The following ADORA2B variants were observed in gnomAD, a reference collection of about 807,000 sequenced individuals.
The protein encoded by ADORA2B is adenosine A2b receptor.
Under a neutral mutation model 20.8 loss-of-function variants are expected in ADORA2B, and 18 were observed. The ratio of observed to expected loss-of-function variants is 0.87; its 90% confidence interval spans 0.60 to 1.29. The LOEUF is 1.29. Ranked by LOEUF, ADORA2B falls within the 50% of genes most tolerant of loss-of-function variation. The pLI, the probability that ADORA2B is intolerant of heterozygous loss-of-function variation, is 0.00. For synonymous variants in ADORA2B, 179 were observed against 178.3 expected (o/e 1.00, Z -0.03); for missense variants, 441 against 422.7 (o/e 1.04, Z -0.38).
chr17:15,959,262 A>T (rs182429924), intron 1 of ADORA2B, among the ~76,000 whole-genome samples: 14 of 152,316 alleles, frequency 9.2e-5, no homozygotes, highest in African/African-American at 3.1e-4. Context: ...GGGATTTTTT[A>T]AAAATTACAA....
chr17:15,873,135 GCT>G, the ADORA2B span, among the ~76,000 whole-genome samples: 1 of 152,148 alleles, frequency 6.6e-6, no homozygotes, highest in African/African-American at 2.4e-5. Context: ...TTTGTTGAAT[GCT>G]CTTTCCGCAT....
chr17:15,878,751 T>G, the ADORA2B span, among the ~76,000 whole-genome samples: 1 of 152,202 alleles, frequency 6.6e-6, no homozygotes, highest in Non-Finnish European at 1.5e-5. Context: ...AAGGGAAGCT[T>G]ACATCTGTTT....
At chr17:15,874,758 G>A in the ADORA2B span, among the ~76,000 whole-genome samples, 2 of 152,106 alleles carry the variant, frequency 1.3e-5, no homozygotes, top group African/African-American at 4.8e-5. Flanking sequence ...GTGCTAAATA[G>A]TTGTGAAATA....
the ADORA2B span, among the ~76,000 whole-genome samples, chr17:15,860,160 G>T: frequency 6.6e-6 from 1 of 152,134 alleles, no homozygotes; most frequent in Admixed American, 6.5e-5. Flanking sequence ...CTCTCACGTG[G>T]ACCCCCTTAG....
At chr17:15,882,799 T>C in the ADORA2B span, among the ~76,000 whole-genome samples, 2 of 152,192 alleles carry the variant, frequency 1.3e-5, no homozygotes, top group Admixed American at 1.3e-4. Flanking sequence ...GATTTAAGTT[T>C]CTTTGTCGTC....
chr17:15,931,119 C>A, the ADORA2B span, among the ~76,000 whole-genome samples: 1 of 152,148 alleles, frequency 6.6e-6, no homozygotes, highest in Non-Finnish European at 1.5e-5. Context: ...GAGTTTGAGA[C>A]CAGCCTGGGC....
chr17:15,897,586 C>T, the ADORA2B span, among the ~76,000 whole-genome samples: 1 of 151,936 alleles, frequency 6.6e-6, no homozygotes, highest in South Asian at 2.1e-4. Flanking sequence ...AACAAAACCC[C>T]CCCACAACTT....
the ADORA2B span, among the ~76,000 whole-genome samples, chr17:15,907,508 A>C: frequency 6.6e-6 from 1 of 152,182 alleles, no homozygotes; most frequent in Admixed American, 6.5e-5. Flanking sequence ...CAGTGACACA[A>C]ATTTCAGAAA....
At chr17:15,950,962 T>C (rs918754726) in intron 1 of ADORA2B, among the ~76,000 whole-genome samples, 1 of 152,244 alleles carries the variant, frequency 6.6e-6, no homozygotes, top group African/African-American at 2.4e-5. Context: ...GCTAGCCTTG[T>C]GGGCAGGGGC....
At chr17:15,960,230 A>C (rs1339238544) in intron 1 of ADORA2B, among the ~76,000 whole-genome samples, 1 of 150,214 alleles carries the variant, frequency 6.7e-6, no homozygotes. Context: ...AGATTGGTGC[A>C]AAAGTAATTG....
chr17:15,964,217 T>A (rs1970072664), intron 1 of ADORA2B, among the ~76,000 whole-genome samples: 1 of 152,210 alleles, frequency 6.6e-6, no homozygotes, highest in African/African-American at 2.4e-5. Context: ...TTTATTGTTG[T>A]TTTTGTGTAA....
the ADORA2B span, among the ~76,000 whole-genome samples, chr17:15,930,238 G>A: frequency 6.6e-6 from 1 of 151,338 alleles, no homozygotes; most frequent in Admixed American, 6.6e-5. Flanking sequence ...ATATTTTTTG[G>A]AGTTGGTTTA....
intron 1 of ADORA2B, among the ~76,000 whole-genome samples, chr17:15,964,936 T>C (rs1727329821): frequency 6.6e-6 from 1 of 152,080 alleles, no homozygotes; most frequent in East Asian, 1.9e-4. Context: ...AGCGGGTGCC[T>C]GTAGTCCCAG....
At chr17:15,853,843 A>G in the ADORA2B span, among the ~76,000 whole-genome samples, 2 of 152,228 alleles carry the variant, frequency 1.3e-5, no homozygotes, top group Non-Finnish European at 2.9e-5. Context: ...TAATTCTTGC[A>G]AGGACATTAA....
the ADORA2B span, among the ~76,000 whole-genome samples, chr17:15,894,556 G>C: frequency 3.9e-5 from 6 of 152,254 alleles, no homozygotes; most frequent in African/African-American, 1.4e-4. Flanking sequence ...AGGGCCTGCA[G>C]AGCTTCCATG....
the ADORA2B span, among the ~76,000 whole-genome samples, chr17:15,893,862 T>C: frequency 8.5e-5 from 13 of 152,362 alleles, no homozygotes; most frequent in Admixed American, 8.5e-4. Flanking sequence ...ATTTTCCCTG[T>C]TAAGGGCCAC....
chr17:15,922,209 T>G, the ADORA2B span, among the ~76,000 whole-genome samples: 1 of 152,234 alleles, frequency 6.6e-6, no homozygotes, highest in Non-Finnish European at 1.5e-5. Context: ...GTTATCAGTA[T>G]TTTGTGTACC....
chr17:15,870,194 C>A, the ADORA2B span, among the ~76,000 whole-genome samples: 1 of 147,818 alleles, frequency 6.8e-6, no homozygotes, highest in Non-Finnish European at 1.5e-5. Flanking sequence ...TACAATTTGA[C>A]CCTTTATAGA....
In ADORA2B at chr17:15,975,326, T is replaced by C; in HGVS notation, c.983T>C (p.Leu328Pro). 1 of 1,611,788 alleles carries C rather than the reference T, an allele frequency of 6.2e-7. No homozygotes were observed. The highest frequency in any genetic ancestry group is 8.5e-7 in the Non-Finnish European group (1 of 1,179,758). ...GGTCAGGCTGGGGTACAGCCTGCTC[T>C]CGGTGTGGGCCTATGATCTAGGCTC... ...GNGQAGVQPA[L>P]GVGL The change falls in exon 2 of 2, where the codon CTC becomes CCC. Residue 328 changes from leucine (L) to proline (P), a missense_variant. Transcript: ENST00000304222.
Sources: allele counts gnomAD v4.1 joint callset (sites outside exome capture counted in the v4.1 genomes callset), GRCh38; gene constraint gnomAD v4.1.1; transcripts MANE v1.5; gene names NCBI Gene and HGNC (gene_info 2026-07-23, HGNC 2026-07-21).